NHLRC2: variants seen among roughly 807,000 people sequenced by gnomAD.
The protein encoded by NHLRC2 is NHL repeat-containing protein 2.
Under a neutral mutation model 68.1 loss-of-function variants are expected in NHLRC2, and 33 were observed. That is an observed-to-expected ratio of 0.48 (90% CI 0.37 to 0.65). NHLRC2 has a LOEUF of 0.65. NHLRC2 is among the 30% of genes least tolerant of loss of function. NHLRC2 has a pLI of 0.00. For synonymous variants in NHLRC2, 311 were observed against 309.6 expected (o/e 1.00, Z -0.05); for missense variants, 761 against 853.8 (o/e 0.89, Z 1.35).
At chr10:113,892,321 C>T (rs1846140293) in intron 5 of NHLRC2, among the ~76,000 whole-genome samples, 1 of 152,068 alleles carries the variant, frequency 6.6e-6, no homozygotes, top group Non-Finnish European at 1.5e-5. Context: ...ATTTTCAGAA[C>T]CTTTTCAGCC....
chr10:113,873,412 C>T (rs1845947878), intron 2 of NHLRC2, among the ~76,000 whole-genome samples: 1 of 152,062 alleles, frequency 6.6e-6, no homozygotes, highest in South Asian at 2.1e-4. Context: ...ATCAGAGAAG[C>T]ACAACTGGGT....
intron 5 of NHLRC2, among the ~76,000 whole-genome samples, chr10:113,894,540 T>C (rs551500842): frequency 2.0e-5 from 3 of 152,300 alleles, no homozygotes; most frequent in African/African-American, 7.2e-5. Flanking sequence ...TACAGTTTTA[T>C]TTCTAATCTT....
chr10:113,905,707 T>G (rs1299706361), intron 10 of NHLRC2, among the ~76,000 whole-genome samples: 1 of 152,150 alleles, frequency 6.6e-6, no homozygotes. Flanking sequence ...CAACTCCTCC[T>G]CCTTCATACC....
intron 5 of NHLRC2, among the ~76,000 whole-genome samples, chr10:113,888,129 C>T (rs139085746): frequency 1.1e-4 from 17 of 151,858 alleles, no homozygotes; most frequent in South Asian, 2.1e-4. Context: ...AGAAAAAGAA[C>T]GTAGGAAGGT....
intron 2 of NHLRC2, among the ~76,000 whole-genome samples, chr10:113,869,518 G>T (rs1168727726): frequency 6.6e-6 from 1 of 152,024 alleles, no homozygotes; most frequent in Non-Finnish European, 1.5e-5. Flanking sequence ...TGTTCTCTGT[G>T]CCTAGTCACT....
chr10:113,887,731 C>T (rs1170125493), intron 5 of NHLRC2, among the ~76,000 whole-genome samples: 1 of 152,136 alleles, frequency 6.6e-6, no homozygotes, highest in Non-Finnish European at 1.5e-5. Flanking sequence ...AAGATCATGC[C>T]ACTGCACTGC....
chr10:113,864,956 T>G (rs891232357), intron 2 of NHLRC2, among the ~76,000 whole-genome samples: 3 of 125,672 alleles, frequency 2.4e-5, no homozygotes, highest in East Asian at 2.0e-4. Context: ...GGTTTTTTGG[T>G]TTTTTTTTTT....
At position 113,908,761 on chromosome 10, in the gene NHLRC2, T is replaced by C. The variant is rs187681416; in HGVS notation, c.*225T>C. ...ATACTAGCTGAGTCATTGATCATCA[T>C]TGGTACCATGATATTGTAATCTATG... On this transcript the variant is annotated 3_prime_UTR_variant, in exon 11 of 11. Transcript: ENST00000369301. 55 of 549,992 alleles carry C rather than the reference T, an allele frequency of 1.0e-4. No homozygotes were observed. Among genetic ancestry groups the C allele is most frequent in the African/African-American group, 8.5e-4 (45 of 53,138 alleles). 34.1% of individuals were successfully genotyped at this position (549,992 alleles called of 1,614,324 possible).
At chr10:113,876,478 T>G in intron 2 of NHLRC2, 43 bp from the exon 3 acceptor site, 1 of 1,164,916 alleles carries the variant, frequency 8.6e-7, no homozygotes, top group Non-Finnish European at 1.2e-6. Context: ...ATATTCAAAC[T>G]TAAATATTTA....
In NHLRC2 at chr10:113,914,791, C is replaced by G; in HGVS notation, c.*6255C>G. On this transcript the variant is annotated 3_prime_UTR_variant, in exon 11 of 11. Coordinates refer to ENST00000369301, the MANE Select transcript of NHLRC2 (RefSeq NM_198514.4). ...AGCAATAATCATGTCACTATTTTGTCCTGAATAATTAAGAGTTTGCTTTTT... is the reference window on the plus strand; with the variant it reads ...AGCAATAATCATGTCACTATTTTGTGCTGAATAATTAAGAGTTTGCTTTTT... The G allele has an allele frequency of 5.9e-6, 2 of 340,726 alleles. No homozygotes were observed. Among genetic ancestry groups the G allele is most frequent in the Admixed American group, 8.1e-5 (2 of 24,808 alleles). 21.1% of individuals were successfully genotyped at this position (340,726 alleles called of 1,614,324 possible). A position where few individuals can be genotyped will look rare whatever the true frequency, so the allele number is the denominator to read the frequency against.
rs1317907887 is a variant in NHLRC2 at position 113,911,122 on chromosome 10, T to C, written c.*2586T>C. ...TAGTTTAAAAAGAACAAGATTTTAG[T>C]GTAAGTCACCTCACTTGAAATGCCA... On this transcript the variant is annotated 3_prime_UTR_variant, in exon 11 of 11. Coordinates refer to ENST00000369301, the MANE Select transcript of NHLRC2 (RefSeq NM_198514.4). The C allele has an allele frequency of 6.6e-6, 1 of 152,178 alleles. No homozygotes were observed. Among genetic ancestry groups the C allele is most frequent in the Non-Finnish European group, 1.5e-5 (1 of 67,998 alleles). The allele number at this position is 152,178 out of a possible 1,614,324, so 9.4% of individuals were successfully genotyped here. A position where few individuals can be genotyped will look rare whatever the true frequency, so the allele number is the denominator to read the frequency against.
At chr10:113,876,164 C>T (rs1278223656) in intron 2 of NHLRC2, among the ~76,000 whole-genome samples, 3 of 149,856 alleles carry the variant, frequency 2.0e-5, no homozygotes, top group Non-Finnish European at 4.4e-5. Context: ...CAGGCATAGT[C>T]AACTCTGAAT....
chr10:113,901,472 T>C (rs566341338), intron 6 of NHLRC2, among the ~76,000 whole-genome samples, 194 bp from the exon 7 acceptor site: 3 of 152,216 alleles, frequency 2.0e-5, no homozygotes, highest in Non-Finnish European at 4.4e-5. Flanking sequence ...CCCTACACAG[T>C]GGGTAAATAA....
Position 113,913,498 on chromosome 10 carries a change from A to G in NHLRC2, c.*4962A>G, listed in dbSNP as rs1846348256. ...TTTCTTGGCAGATGGATGTATTAAA[A>G]AAATAGCTTTCCAGTGTTAGTTCTC... On this transcript the variant is annotated 3_prime_UTR_variant, in exon 11 of 11. Coordinates refer to ENST00000369301, the MANE Select transcript of NHLRC2 (RefSeq NM_198514.4). The G allele has an allele frequency of 6.6e-6, 1 of 152,222 alleles. No homozygotes were observed. The highest frequency in any genetic ancestry group is 6.5e-5 in the Admixed American group (1 of 15,286). The allele number at this position is 152,222 out of a possible 1,614,324, so 9.4% of individuals were successfully genotyped here.
At chr10:113,886,110 A>T (rs1172764718) in intron 5 of NHLRC2, among the ~76,000 whole-genome samples, 4 of 152,140 alleles carry the variant, frequency 2.6e-5, no homozygotes, top group African/African-American at 9.6e-5. Context: ...CTATCCAAAA[A>T]GGAAATTATG....
chr10:113,891,721 G>A (rs550188953), intron 5 of NHLRC2, among the ~76,000 whole-genome samples: 23 of 152,240 alleles, frequency 1.5e-4, no homozygotes, highest in South Asian at 8.3e-4. Flanking sequence ...TCTTGCAGCC[G>A]TCCCAGGGAT....
Position 113,904,964 on chromosome 10 carries a change from C to G in NHLRC2, c.1852C>G (p.Leu618Val), listed in dbSNP as rs759307418. The change falls in exon 10 of 11, where the codon CTC becomes GTC. Residue 618 changes from leucine (L) to valine (V), a missense_variant. By Grantham distance (32) the Leu-to-Val change is conservative. Transcript: ENST00000369301. ...TGCTGGCCAGACTCTTCAGTTCAAA[C>G]TCAGATTAGACCTCCCATCAGGATC... is the stretch of plus-strand genomic sequence containing the variant. ...ACAGQTLQFK[L>V]RLDLPSGSKL... 2 of 1,571,684 alleles carry G rather than the reference C, an allele frequency of 1.3e-6. No homozygotes were observed. The highest frequency in any genetic ancestry group is 1.7e-4 in the Middle Eastern group (1 of 5,848).
chr10:113,876,099 A>G (rs765977390), intron 2 of NHLRC2, among the ~76,000 whole-genome samples: 94 of 151,948 alleles, frequency 6.2e-4, no homozygotes, highest in Non-Finnish European at 1.1e-3. Context: ...TCTGTAATGT[A>G]AAGTTAGATT....
intron 5 of NHLRC2, among the ~76,000 whole-genome samples, chr10:113,889,782 G>A (rs1350307811): frequency 6.6e-6 from 1 of 151,992 alleles, no homozygotes. Flanking sequence ...TCTCTTTCCT[G>A]TTCTCTGTCA....
Sources: allele counts gnomAD v4.1 joint callset (sites outside exome capture counted in the v4.1 genomes callset), GRCh38; gene constraint gnomAD v4.1.1; transcripts MANE v1.5; gene names NCBI Gene and HGNC (gene_info 2026-07-23, HGNC 2026-07-21).